Variants in LYZL2 observed in about 807,000 individuals in gnomAD.
The protein encoded by LYZL2 is lysozyme like 2, also known as lysozyme-like protein 2.
Under a neutral mutation model 17.1 loss-of-function variants are expected in LYZL2, and 13 were observed. That is an observed-to-expected ratio of 0.76 (90% confidence interval 0.49 to 1.21). The LOEUF (loss-of-function observed/expected upper bound fraction) is 1.21, where lower values mean the gene tolerates loss of function less well. Among genes scored for constraint, LYZL2 ranks in the 50% most tolerant of loss-of-function variants. The pLI, the probability that LYZL2 is intolerant of heterozygous loss-of-function variation, is 0.00. For synonymous variants in LYZL2, 63 were observed against 74.4 expected, an observed-to-expected ratio of 0.85 and a Z score of 0.79; for missense variants, 166 against 189.2, an observed-to-expected ratio of 0.88 and a Z score of 0.72.
Position 30,611,866 on chromosome 10 carries a change from G to A in LYZL2, c.*89C>T. 6.3e-7 allele frequency: 1 copy of A among 1,599,222 alleles called. No individual in the cohort carries two copies. The highest frequency in any genetic ancestry group is 2.2e-5 in the East Asian group (1 of 44,516). On this transcript the variant is annotated 3_prime_UTR_variant, in exon 5 of 5. Transcript: ENST00000647634. Reference sequence around the variant, plus strand: ...CTCCAAGTTTGAGAAGGAATATTGGGAGGAAACGGGACAAGATGACACAGG... The same window carrying A: ...CTCCAAGTTTGAGAAGGAATATTGGAAGGAAACGGGACAAGATGACACAGG...
downstream of LYZL2, among the ~76,000 whole-genome samples, chr10:30,608,996 C>A (rs914477535): frequency 6.6e-6 from 1 of 152,112 alleles, no homozygotes; most frequent in African/African-American, 2.4e-5. Flanking sequence ...TGCACCACCA[C>A]ACGCAGCTAA....
In LYZL2 at chr10:30,626,838, T is replaced by C. The variant is rs1206688611; in HGVS notation, c.78A>G (p.Lys26=). Residue 26 remains lysine, a synonymous_variant, in exon 2 of 5, where the codon AAA becomes AAG. Transcript: ENST00000647634. ...CAGCCCTCGAGAATATTTTTGCCAGTTTGCAACGAGTGTAGATTTTGGACT... is the reference window on the plus strand; with the variant it reads ...CAGCCCTCGAGAATATTTTTGCCAGCTTGCAACGAGTGTAGATTTTGGACT... ...GAESKIYTRC[K]LAKIFSRAGL... 1.2e-6 allele frequency: 2 copies of C among 1,614,236 alleles called. No individual in the cohort carries two copies. The highest frequency in any genetic ancestry group is 2.7e-5 in the African/African-American group (2 of 75,042).
intron 3 of LYZL2, among the ~76,000 whole-genome samples, chr10:30,614,739 A>G (rs1173193517): frequency 6.6e-6 from 1 of 152,158 alleles, no homozygotes; most frequent in Non-Finnish European, 1.5e-5. Flanking sequence ...TAATGGATTC[A>G]ATGTCTCAGG....
Position 30,626,812 on chromosome 10 carries a change from C to T in LYZL2, c.104G>A (p.Gly35Asp), listed in dbSNP as rs1158065196. Residue 35 changes from glycine to aspartate, a missense_variant, in exon 2 of 5, where the codon GGC becomes GAC. Gly to Asp is a moderately conservative substitution (Grantham distance 94). Transcript: ENST00000647634. ...CKLAKIFSRA[G>D]LDNYWGFSLG... ...GCTGAAGCCCCAGTAATTGTCCAGG[C>T]CAGCCCTCGAGAATATTTTTGCCAG... 1.9e-6 allele frequency: 3 copies of T among 1,614,118 alleles called. No individual in the cohort carries two copies. Among genetic ancestry groups the T allele is most frequent in the Admixed American group, 1.7e-5 (1 of 60,010 alleles).
intron 1 of LYZL2, among the ~76,000 whole-genome samples, 160 bp from the exon 2 acceptor site, chr10:30,627,100 A>C (rs1333212719): frequency 6.6e-6 from 1 of 152,156 alleles, no homozygotes; most frequent in Non-Finnish European, 1.5e-5. Context: ...CAGGGAAGGA[A>C]TGTGACTGCA....
Position 30,622,021 on chromosome 10 carries a change from C to T in LYZL2, c.298+4084G>A, listed in dbSNP as rs187183424. Among the ~76,000 whole-genome samples, 9 of 152,112 alleles carry T rather than the reference C, an allele frequency of 5.9e-5. No individual in the cohort carries two copies. The South Asian group carries it at 8.3e-4, about 14-fold the overall frequency. Reference sequence around the variant, plus strand: ...GAAGTATACTGTTAAGAAACTCATACGTTACATATGAAGTGGTGTGTTACT... The same window carrying T: ...GAAGTATACTGTTAAGAAACTCATATGTTACATATGAAGTGGTGTGTTACT... On this transcript the variant is annotated intron_variant, in intron 3 of 4. Coordinates refer to ENST00000647634, the MANE Select transcript of LYZL2 (RefSeq NM_183058.3).
Position 30,626,161 on chromosome 10 carries a change from G to A in LYZL2, c.242C>T (p.Ala81Val), listed in dbSNP as rs150085281. ...DYGIFQINSF[A>V]WCRRGKLKEN... ...CTTCAGCTTTCCGCGTCTGCACCACGCGAAGCTGTTGATCTGGAAGATGCC... is the reference window on the plus strand; with the variant it reads ...CTTCAGCTTTCCGCGTCTGCACCACACGAAGCTGTTGATCTGGAAGATGCC... Residue 81 changes from alanine to valine, a missense_variant, in exon 3 of 5, where the codon GCG (alanine) becomes GTG (valine). By Grantham distance (64) the Ala-to-Val change is moderately conservative. Coordinates refer to ENST00000647634, the MANE Select transcript of LYZL2 (RefSeq NM_183058.3). 45 of 1,614,246 alleles carry A rather than the reference G, an allele frequency of 2.8e-5. No homozygotes were observed. Among genetic ancestry groups the A allele is most frequent in the African/African-American group, 1.3e-4 (10 of 75,072 alleles).
rs757127551 is a variant in LYZL2 at position 30,626,238 on chromosome 10, G to A, written c.165C>T (p.Ser55=). The change falls in exon 3 of 5, where the codon AGC becomes AGT. Residue 55 remains serine, a synonymous_variant. Transcript: ENST00000647634. ...CCGTCTGGGCTGTGGTGTTGTAGCC[G>A]CTCTCATAATACGCCATGCAGATCC... ...GNWICMAYYE[S]GYNTTAQTVL... The A allele has an allele frequency of 2.5e-5, 41 of 1,614,064 alleles. No individual in the cohort carries two copies. The highest frequency in any genetic ancestry group is 6.7e-5 in the East Asian group (3 of 44,896).
chr10:30,613,050 T>C, intron 3 of LYZL2, 150 bp from the exon 4 acceptor site: 1 of 626,250 alleles, frequency 1.6e-6, no homozygotes. Context: ...CTCATTTCTG[T>C]TGAGCTTCTT....
chr10:30,626,990 G>A lies in LYZL2; in HGVS notation c.-25-50C>T, dbSNP rs191295508. On this transcript the variant is annotated intron_variant, in intron 1 of 4. Coordinates refer to ENST00000647634, the MANE Select transcript of LYZL2 (RefSeq NM_183058.3). Reference sequence around the variant, plus strand: ...CAGACGATCTTGATTCAGGAACTTCGAAATCCAGCATCGGTGACTGTGCAC... The same window carrying A: ...CAGACGATCTTGATTCAGGAACTTCAAAATCCAGCATCGGTGACTGTGCAC... 4.3e-4 allele frequency: 688 copies of A among 1,605,978 alleles called. 4 individuals are homozygous for A. The East Asian group carries it at 4.7e-3, about 11-fold the overall frequency.
Position 30,611,940 on chromosome 10 carries a change from G to T in LYZL2, c.*15C>A. ...CTAGGGCGTTGCTGCAAAGCATCCT[G>T]GGTCCAGTTCCAGTTTAGGAAACCT... On this transcript the variant is annotated 3_prime_UTR_variant, in exon 5 of 5. Transcript: ENST00000647634. The T allele has an allele frequency of 6.2e-7, 1 of 1,614,180 alleles. No individual in the cohort carries two copies. Among genetic ancestry groups the T allele is most frequent in the Non-Finnish European group, 8.5e-7 (1 of 1,180,026 alleles).
intron 3 of LYZL2, among the ~76,000 whole-genome samples, chr10:30,617,680 A>AAAAAAAAAAAAAAAAAAG (rs1588674889): frequency 3.8e-4 from 46 of 119,634 alleles, no homozygotes; most frequent in Non-Finnish European, 6.1e-4. Flanking sequence ...GTCTCAAAAA[A>AAAAAAAAAAAAAAAAAAG]AAAAAAAAAA....
chr10:30,608,998 C>T (rs1008464873), downstream of LYZL2, among the ~76,000 whole-genome samples: 6 of 152,218 alleles, frequency 3.9e-5, 1 homozygote, highest in South Asian at 2.1e-4. Flanking sequence ...CACCACCACA[C>T]GCAGCTAATC....
intron 1 of LYZL2, among the ~76,000 whole-genome samples, chr10:30,629,108 T>C (rs1384645824): frequency 6.6e-6 from 1 of 152,198 alleles, no homozygotes; most frequent in African/African-American, 2.4e-5. Flanking sequence ...GATGCAGAGC[T>C]TAGGCTGGGC....
downstream of LYZL2, among the ~76,000 whole-genome samples, chr10:30,610,165 A>G (rs1026662919): frequency 2.0e-5 from 3 of 152,170 alleles, no homozygotes; most frequent in Non-Finnish European, 4.4e-5. Flanking sequence ...ATTTTAAGAA[A>G]GTCTACTAAT....
chr10:30,609,587 T>A (rs147554332), downstream of LYZL2, among the ~76,000 whole-genome samples: 29 of 152,190 alleles, frequency 1.9e-4, 1 homozygote, highest in East Asian at 5.4e-3. Context: ...CAGAGCTGAG[T>A]CCCCACAGAA....
chr10:30,625,915 CT>C (rs1230710005), intron 3 of LYZL2, among the ~76,000 whole-genome samples, 189 bp downstream of exon 3: 1 of 152,222 alleles, frequency 6.6e-6, no homozygotes, highest in African/African-American at 2.4e-5. Flanking sequence ...AATAAGTCAT[CT>C]TTGGACAAGT....
Position 30,626,927 on chromosome 10 carries a change from G to C in LYZL2, c.-12C>G. On this transcript the variant is annotated 5_prime_UTR_variant, in exon 2 of 5. Coordinates refer to ENST00000647634, the MANE Select transcript of LYZL2 (RefSeq NM_183058.3). ...CCCGCAGCCTTCATCCTCAAAGCCT[G>C]CCGGAGACAGAACCTGCCAAAGAGC... The C allele has an allele frequency of 6.2e-7, 1 of 1,612,702 alleles. No individual in the cohort carries two copies. Among genetic ancestry groups the C allele is most frequent in the Admixed American group, 1.7e-5 (1 of 59,844 alleles).
chr10:30,626,673 A>G lies in LYZL2; in HGVS notation c.139+104T>C, dbSNP rs181799416. 1.9e-6 allele frequency: 3 copies of G among 1,555,406 alleles called. No homozygotes were observed. The East Asian group carries it at 6.7e-5, about 35-fold the overall frequency. Reference sequence around the variant, plus strand: ...CCACCCCTGGGTGTGGTGAGGGCAGAGCAGGGGTAGTTGGGGAGACACAGC... The same window carrying G: ...CCACCCCTGGGTGTGGTGAGGGCAGGGCAGGGGTAGTTGGGGAGACACAGC... On this transcript the variant is annotated intron_variant, in intron 2 of 4. Transcript: ENST00000647634.
Sources: allele counts gnomAD v4.1 joint callset (sites outside exome capture counted in the v4.1 genomes callset), GRCh38; gene constraint gnomAD v4.1.1; transcripts MANE v1.5; gene names NCBI Gene and HGNC (gene_info 2026-07-23, HGNC 2026-07-21).